Variants in GSTA2 observed in about 807,000 individuals in gnomAD.
The protein encoded by GSTA2 is glutathione S-transferase alpha 2.
In GSTA2, 27 loss-of-function variants were observed where a neutral mutation model predicts 22.4. The ratio of observed to expected loss-of-function variants is 1.21; its 90% CI spans 0.89 to 1.67. GSTA2 has a LOEUF of 1.67. Among genes scored for constraint, GSTA2 ranks in the 40% most tolerant of loss-of-function variants. The pLI is 0.00. For synonymous variants in GSTA2, 121 were observed against 86.8 expected (o/e 1.39, Z -2.19); for missense variants, 302 against 260.2 (o/e 1.16, Z -1.11).
intron 3 of GSTA2, 107 bp from the exon 4 acceptor site, chr6:52,755,182 A>AATT: frequency 6.9e-7 from 1 of 1,456,902 alleles, no homozygotes; most frequent in African/African-American, 1.4e-5. Context: ...ACGAAAAAGA[A>AATT]ATTACTGCCT....
intron 2 of GSTA2, among the ~76,000 whole-genome samples, 197 bp from the exon 3 acceptor site, chr6:52,756,506 T>C (rs1254518227): frequency 1.3e-5 from 2 of 152,206 alleles, no homozygotes; most frequent in Admixed American, 6.5e-5. Flanking sequence ...TCACAGCACA[T>C]AGCTGCTCAA....
At chr6:52,757,834 CTT>C in intron 2 of GSTA2, 25 bp downstream of exon 2, 1 of 1,582,606 alleles carries the variant, frequency 6.3e-7, no homozygotes, top group Non-Finnish European at 8.7e-7. Flanking sequence ...GTAAATCTGA[CTT>C]AAGATGACCT....
intron 1 of GSTA2, 67 bp from the exon 2 acceptor site, chr6:52,758,044 G>C: frequency 1.0e-6 from 1 of 975,400 alleles, no homozygotes; most frequent in South Asian, 1.4e-5. Flanking sequence ...ACTTTAGGAT[G>C]TATGGTTGAA....
In GSTA2 at chr6:52,760,948, A is replaced by G. The variant is rs144328629; in HGVS notation, c.-31+2496T>C. 2.3e-3 allele frequency among the ~76,000 whole-genome samples: 351 copies of G among 152,314 alleles called. 1 individual carries two copies. Among genetic ancestry groups the G allele is most frequent in the African/African-American group, 8.1e-3 (337 of 41,556 alleles). On this transcript the variant is annotated intron_variant, in intron 1 of 6. Coordinates refer to ENST00000493422, the MANE Select transcript of GSTA2 (RefSeq NM_000846.5). The stretch of plus-strand genomic sequence containing the variant: ...TGTTTTGAAAGGACTATAAGGTCTC[A>G]TATTTCCAGGAGTAAATTAAAGGAG...
At chr6:52,753,275 T>C (rs73740517) in intron 4 of GSTA2, among the ~76,000 whole-genome samples, 2,716 of 152,266 alleles carry the variant, frequency 0.018, 87 homozygotes, top group African/African-American at 0.061. Context: ...AAGAAGATCA[T>C]CGGTGGTCAC....
chr6:52,755,609 C>A (rs111562772), intron 3 of GSTA2, among the ~76,000 whole-genome samples: 2 of 152,058 alleles, frequency 1.3e-5, no homozygotes, highest in East Asian at 3.8e-4. Flanking sequence ...TTTGTTGCCC[C>A]TCCAGATACA....
chr6:52,762,634 A>G (rs969550362), intron 1 of GSTA2, among the ~76,000 whole-genome samples: 3 of 152,170 alleles, frequency 2.0e-5, no homozygotes, highest in Non-Finnish European at 4.4e-5. Context: ...TACTGAGGGA[A>G]CTCAGAGACT....
At position 52,750,159 on chromosome 6, in the gene GSTA2, T is replaced by C. The variant is rs41271283; in HGVS notation, c.*418A>G. The C allele has an allele frequency of 0.1, 15,656 of 155,822 alleles. 987 individuals are homozygous for C. The highest frequency in any genetic ancestry group is 0.2 in the East Asian group (1,046 of 5,250). The allele number at this position is 155,822 out of a possible 1,614,324, so 9.7% of individuals were successfully genotyped here. A position where few individuals can be genotyped will look rare whatever the true frequency, so the allele number is the denominator to read the frequency against. ...GACTGTTCAGGAAAAGAAGAAAATGTCTTTATGCCATTATCCAGGATGGTA... is the reference window on the plus strand; with the variant it reads ...GACTGTTCAGGAAAAGAAGAAAATGCCTTTATGCCATTATCCAGGATGGTA... On this transcript the variant is annotated 3_prime_UTR_variant, in exon 7 of 7. Coordinates refer to ENST00000493422, the MANE Select transcript of GSTA2 (RefSeq NM_000846.5).
At chr6:52,759,030 T>G (rs746949596) in intron 1 of GSTA2, among the ~76,000 whole-genome samples, 6 of 152,212 alleles carry the variant, frequency 3.9e-5, no homozygotes, top group Non-Finnish European at 8.8e-5. Context: ...ATTTTCTATG[T>G]TAGTGTTTCT....
intron 1 of GSTA2, among the ~76,000 whole-genome samples, chr6:52,759,563 G>GTTTTTTTTTGTTTTTTTTTTTTTTTTTT (rs1762913408): frequency 5.8e-5 from 2 of 34,198 alleles, no homozygotes; most frequent in African/African-American, 1.7e-4. Context: ...GTATTTATTT[G>GTTTTTTTTTGTTTTTTTTTTTTTTTTTT]TTTTTTTTTT....
Position 52,750,297 on chromosome 6 carries a change from A to C in GSTA2, c.*280T>G. 1 of 278,188 alleles carries C rather than the reference A, an allele frequency of 3.6e-6. No homozygotes were observed. Among genetic ancestry groups the C allele is most frequent in the South Asian group, 5.2e-5 (1 of 19,070 alleles). The allele number at this position is 278,188 out of a possible 1,614,324, so 17.2% of individuals were successfully genotyped here. On this transcript the variant is annotated 3_prime_UTR_variant, in exon 7 of 7. Coordinates refer to ENST00000493422, the MANE Select transcript of GSTA2 (RefSeq NM_000846.5). ...GGGCAATTCTTGGAAAAGTCAAACA[A>C]ACCACATAATTTATAGTTTCCATTT...
chr6:52,751,679 A>G lies in GSTA2; in HGVS notation c.444T>C (p.Leu148=), dbSNP rs1292055204. 2.5e-6 allele frequency: 4 copies of G among 1,614,018 alleles called. No homozygotes were observed. The highest frequency in any genetic ancestry group is 3.4e-6 in the Non-Finnish European group (4 of 1,180,014). ...CAGCCCGGCTCAGCTTGTTGCCAAC[A>G]AGGTAGTCTTGTCCGTGGCTCTTTA... ...KVLKSHGQDY[L]VGNKLSRADI... is the part of the protein sequence containing the mutation. The change falls in exon 6 of 7, where the codon CTT becomes CTC. Residue 148 remains leucine (L), a synonymous_variant. Transcript: ENST00000493422.
chr6:52,754,799 C>A (rs1174023614), intron 4 of GSTA2, 144 bp downstream of exon 4: 8 of 1,033,478 alleles, frequency 7.7e-6, no homozygotes, highest in South Asian at 1.6e-5. Context: ...CTCCATGGGA[C>A]TCTGCAATAC....
chr6:52,762,281 A>G (rs1223238169), intron 1 of GSTA2, among the ~76,000 whole-genome samples: 1 of 152,150 alleles, frequency 6.6e-6, no homozygotes. Flanking sequence ...TTAGTAAAAG[A>G]GGAAGGCCTC....
intron 1 of GSTA2, among the ~76,000 whole-genome samples, chr6:52,760,835 C>T (rs1386473968): frequency 6.6e-6 from 1 of 152,176 alleles, no homozygotes; most frequent in Non-Finnish European, 1.5e-5. Context: ...CCTTTCTCTA[C>T]TTTGACAACC....
At chr6:52,758,940 T>A (rs1050185441) in intron 1 of GSTA2, among the ~76,000 whole-genome samples, 1 of 152,108 alleles carries the variant, frequency 6.6e-6, no homozygotes. Context: ...GATACTGAGG[T>A]TTTTAAAGTA....
chr6:52,755,677 G>A (rs1353612909), intron 3 of GSTA2, among the ~76,000 whole-genome samples: 1 of 152,002 alleles, frequency 6.6e-6, no homozygotes, highest in Non-Finnish European at 1.5e-5. Context: ...TTAGGAAGAG[G>A]TTGGGACAAG....
At position 52,752,999 on chromosome 6, in the gene GSTA2, A is replaced by T. The variant is rs746271498; in HGVS notation, c.273-4T>A. ...ACCTTCTATATACATATCAATCCTG[A>T]AAGACAAAAACAACCAAATGGTCAA... On this transcript the variant is annotated splice_region_variant and splice_polypyrimidine_tract_variant and intron_variant, in intron 4 of 6. Transcript: ENST00000493422. 2.0e-5 allele frequency: 31 copies of T among 1,585,806 alleles called. No individual in the cohort carries two copies. The highest frequency in any genetic ancestry group is 1.7e-4 in the Middle Eastern group (1 of 5,958).
chr6:52,760,943 G>T (rs551154363), intron 1 of GSTA2, among the ~76,000 whole-genome samples: 2 of 152,226 alleles, frequency 1.3e-5, no homozygotes, highest in East Asian at 1.9e-4. Flanking sequence ...GGACTATAAG[G>T]TCTCATATTT....
Sources: allele counts gnomAD v4.1 joint callset (sites outside exome capture counted in the v4.1 genomes callset), GRCh38; gene constraint gnomAD v4.1.1; transcripts MANE v1.5; gene names NCBI Gene and HGNC (gene_info 2026-07-23, HGNC 2026-07-21).